The following COMMD10 variants were observed in gnomAD, a reference collection of about 807,000 sequenced individuals.
COMMD10 encodes COMM domain containing 10, also known as COMM domain-containing protein 10.
Under a neutral mutation model 28.9 loss-of-function variants are expected in COMMD10, and 33 were observed. The observed-to-expected ratio is 1.14, with a 90% CI of 0.87 to 1.53. COMMD10 has a LOEUF of 1.53. Among genes scored for constraint, COMMD10 ranks in the 40% most tolerant of loss-of-function variants. The probability of loss-of-function intolerance (pLI) is 0.00; values close to 1 mark genes in which losing one functional copy is unlikely to be tolerated. For missense variants in COMMD10, 310 were observed against 233.4 expected, an observed-to-expected ratio of 1.33 and a Z score of -2.14; for synonymous variants, 110 against 81.7, an observed-to-expected ratio of 1.35 and a Z score of -1.87.
At chr5:116,128,703 C>A (rs778192450) in intron 4 of COMMD10, among the ~76,000 whole-genome samples, 5 of 151,856 alleles carry the variant, frequency 3.3e-5, no homozygotes, top group Non-Finnish European at 7.4e-5. Flanking sequence ...ATAGGTCTGG[C>A]AAATAATATA....
At chr5:116,246,696 C>G (rs1363535541) in intron 5 of COMMD10, among the ~76,000 whole-genome samples, 1 of 152,092 alleles carries the variant, frequency 6.6e-6, no homozygotes, top group South Asian at 2.1e-4. Flanking sequence ...ATACCTACAA[C>G]TATCTGATGT....
At chr5:116,215,571 C>T (rs1351276741) in intron 5 of COMMD10, among the ~76,000 whole-genome samples, 4 of 151,444 alleles carry the variant, frequency 2.6e-5, no homozygotes, top group Non-Finnish European at 5.9e-5. Context: ...CCTGTAGTTC[C>T]AGCTACTCAG....
At chr5:116,280,003 G>A (rs1212966869) in intron 5 of COMMD10, among the ~76,000 whole-genome samples, 2 of 151,850 alleles carry the variant, frequency 1.3e-5, no homozygotes, top group Admixed American at 1.3e-4. Context: ...ACAGGTGAAA[G>A]TGCTATAGCG....
intron 5 of COMMD10, among the ~76,000 whole-genome samples, chr5:116,189,401 C>G (rs1055353248): frequency 1.5e-4 from 23 of 152,174 alleles, no homozygotes; most frequent in Non-Finnish European, 2.6e-4. Context: ...GCCACATTCT[C>G]AGCAGAGGCT....
intron 5 of COMMD10, among the ~76,000 whole-genome samples, chr5:116,230,094 C>T (rs1397877277): frequency 1.3e-5 from 2 of 151,890 alleles, no homozygotes; most frequent in Non-Finnish European, 2.9e-5. Flanking sequence ...GTCTATTTTG[C>T]AGTATTTTCC....
At chr5:116,102,175 T>C (rs1332189397) in intron 4 of COMMD10, among the ~76,000 whole-genome samples, 1 of 152,206 alleles carries the variant, frequency 6.6e-6, no homozygotes, top group East Asian at 1.9e-4. Flanking sequence ...TTTCTTCTAG[T>C]ATTTTAAATT....
intron 5 of COMMD10, among the ~76,000 whole-genome samples, chr5:116,159,023 T>A (rs965258853): frequency 2.3e-4 from 35 of 152,340 alleles, no homozygotes; most frequent in African/African-American, 7.9e-4. Context: ...GCTAATCATT[T>A]ACATTTGACA....
At chr5:116,099,026 C>T (rs1004295144) in intron 4 of COMMD10, among the ~76,000 whole-genome samples, 5 of 152,072 alleles carry the variant, frequency 3.3e-5, no homozygotes, top group Admixed American at 1.3e-4. Flanking sequence ...AAGTAAACAA[C>T]GTGGTATTAT....
At chr5:116,291,137 A>T (rs1751349021) in intron 5 of COMMD10, among the ~76,000 whole-genome samples, 1 of 152,168 alleles carries the variant, frequency 6.6e-6, no homozygotes, top group African/African-American at 2.4e-5. Flanking sequence ...TCAATCAGAT[A>T]TCCTGCCTCC....
intron 4 of COMMD10, among the ~76,000 whole-genome samples, chr5:116,118,117 A>G (rs761411262): frequency 2.0e-5 from 3 of 152,164 alleles, no homozygotes; most frequent in Admixed American, 1.3e-4. Context: ...CTTTACTTCA[A>G]AAGTTCTGCT....
intron 4 of COMMD10, among the ~76,000 whole-genome samples, chr5:116,116,611 TA>T (rs1751240286): frequency 1.3e-5 from 2 of 152,254 alleles, no homozygotes; most frequent in South Asian, 4.1e-4. Flanking sequence ...TCTGTATGCT[TA>T]AATTCACTGA....
chr5:116,205,012 C>G (rs1319777946), intron 5 of COMMD10, among the ~76,000 whole-genome samples: 2 of 152,220 alleles, frequency 1.3e-5, no homozygotes, highest in East Asian at 1.9e-4. Context: ...CTTGCCATCT[C>G]TGTTAGATGC....
intron 5 of COMMD10, among the ~76,000 whole-genome samples, chr5:116,197,938 T>C (rs1261203294): frequency 6.6e-6 from 1 of 152,190 alleles, no homozygotes; most frequent in African/African-American, 2.4e-5. Flanking sequence ...GAACTATGGA[T>C]GCTTTCCTTA....
Position 116,163,755 on chromosome 5 carries a change from T to A in COMMD10, c.510+29577T>A, listed in dbSNP as rs1454234164. ...TATAAAGCACTAAGTTATGTCTTCT[T>A]AAACCACTTTTTGTTTAGAATACTT... is the stretch of plus-strand genomic sequence containing the variant. On this transcript the variant is annotated intron_variant, in intron 5 of 6. Coordinates refer to ENST00000274458, the MANE Select transcript of COMMD10 (RefSeq NM_016144.4). Among the ~76,000 whole-genome samples, 3 of 152,210 alleles carry A rather than the reference T, an allele frequency of 2.0e-5. No individual in the cohort carries two copies. The East Asian group carries it at 5.8e-4, about 29-fold the overall frequency.
intron 5 of COMMD10, among the ~76,000 whole-genome samples, chr5:116,236,857 A>G (rs546466506): frequency 1.3e-5 from 2 of 152,252 alleles, no homozygotes; most frequent in Non-Finnish European, 2.9e-5. Flanking sequence ...GACTGTAACA[A>G]ATGTACTACT....
In COMMD10 at chr5:116,105,460, A is replaced by G. The variant is rs554134282; in HGVS notation, c.399+12760A>G. Among the ~76,000 whole-genome samples, 5 of 152,238 alleles carry G rather than the reference A, an allele frequency of 3.3e-5. No homozygotes were observed. In the East Asian group the frequency reaches 9.7e-4, roughly 29 times the overall value. ...TCTGCCAGGTTTTGGTATTAGGATG[A>G]TGTTGGCCTCGTAAAATGAATTAGG... On this transcript the variant is annotated intron_variant, in intron 4 of 6. Transcript: ENST00000274458.
chr5:116,223,950 A>AT (rs915375027), intron 5 of COMMD10, among the ~76,000 whole-genome samples: 3 of 152,124 alleles, frequency 2.0e-5, no homozygotes, highest in Non-Finnish European at 2.9e-5. Context: ...CATTTTATAA[A>AT]TTTTTTTAAA....
intron 4 of COMMD10, among the ~76,000 whole-genome samples, chr5:116,096,085 T>G (rs1750458413): frequency 6.6e-6 from 1 of 152,098 alleles, no homozygotes; most frequent in Admixed American, 6.5e-5. Flanking sequence ...GTTTTGGCAA[T>G]CCTAGTTTCT....
At chr5:116,210,274 A>G (rs796461601) in intron 5 of COMMD10, among the ~76,000 whole-genome samples, 1 of 151,974 alleles carries the variant, frequency 6.6e-6, no homozygotes, top group East Asian at 1.9e-4. Flanking sequence ...GCAGTTATGT[A>G]TTTTGTTAAA....
Sources: allele counts gnomAD v4.1 joint callset (sites outside exome capture counted in the v4.1 genomes callset), GRCh38; gene constraint gnomAD v4.1.1; transcripts MANE v1.5; gene names NCBI Gene and HGNC (gene_info 2026-07-23, HGNC 2026-07-21).